Variants in SLC4A8 observed in about 807,000 individuals in gnomAD.
SLC4A8 encodes the protein electroneutral sodium bicarbonate exchanger 1.
A neutral mutation model predicts 125.0 loss-of-function variants in SLC4A8; 40 were observed. The ratio of observed to expected loss-of-function variants is 0.32; its 90% CI spans 0.25 to 0.42. SLC4A8 has a LOEUF of 0.42. SLC4A8 is among the 10% of genes least tolerant of loss of function. SLC4A8 has a pLI of 1.00. For synonymous variants in SLC4A8, 456 were observed against 476.0 expected, an observed-to-expected ratio of 0.96 and a Z score of 0.55; for missense variants, 863 against 1,355.1, an observed-to-expected ratio of 0.64 and a Z score of 5.70.
intron 1 of SLC4A8, among the ~76,000 whole-genome samples, chr12:51,439,471 T>G (rs1949524150): frequency 6.6e-6 from 1 of 152,054 alleles, no homozygotes; most frequent in Non-Finnish European, 1.5e-5. Flanking sequence ...GTAAGTGTGT[T>G]GAGGCTGAGA....
upstream of SLC4A8, among the ~76,000 whole-genome samples, chr12:51,421,354 C>T (rs1015979549): frequency 2.0e-5 from 3 of 152,200 alleles, no homozygotes; most frequent in African/African-American, 7.2e-5. Flanking sequence ...CAAATCATCC[C>T]TGGGAGGATA....
chr12:51,401,536 A>G (rs1482600524), intron 1 of SLC4A8, among the ~76,000 whole-genome samples: 1 of 151,974 alleles, frequency 6.6e-6, no homozygotes, highest in Non-Finnish European at 1.5e-5. Flanking sequence ...GCATGTTGGT[A>G]TGCTCTTCCA....
intron 1 of SLC4A8, chr12:51,392,269 C>T (rs1948136824): frequency 6.6e-6 from 1 of 152,218 alleles, no homozygotes; most frequent in African/African-American, 2.4e-5. Context: ...GTCAGAATCA[C>T]CTGAGAACTT....
chr12:51,400,778 A>ATG (rs1948369112), intron 1 of SLC4A8, among the ~76,000 whole-genome samples: 35 of 3,410 alleles, frequency 0.01, 3 homozygotes, highest in Non-Finnish European at 0.017. Context: ...ATATATATAT[A>ATG]CATACATACA....
chr12:51,474,986 A>C, intron 15 of SLC4A8, 59 bp from the exon 16 acceptor site: 5 of 1,478,754 alleles, frequency 3.4e-6, no homozygotes, highest in Non-Finnish European at 3.7e-6. Context: ...ACTCAGTAGG[A>C]AACAGCTATT....
intron 1 of SLC4A8, among the ~76,000 whole-genome samples, chr12:51,427,914 C>G (rs1019774343): frequency 1.4e-4 from 21 of 152,304 alleles, no homozygotes; most frequent in African/African-American, 5.1e-4. Context: ...TATCTTGAAA[C>G]CCTTCAGTGG....
At chr12:51,448,337 C>T (rs963301756) in intron 2 of SLC4A8, among the ~76,000 whole-genome samples, 15 of 152,132 alleles carry the variant, frequency 9.9e-5, no homozygotes, top group East Asian at 3.9e-4. Flanking sequence ...TCTAAGGTAA[C>T]GCTCGGTTTC....
intron 21 of SLC4A8, 42 bp downstream of exon 21, chr12:51,495,160 AT>A (rs1198473178): frequency 6.7e-7 from 1 of 1,498,412 alleles, no homozygotes; most frequent in Non-Finnish European, 9.1e-7. Context: ...TATCATTGTT[AT>A]TTTTTAGTGG....
intron 1 of SLC4A8, among the ~76,000 whole-genome samples, chr12:51,418,500 G>T (rs1222160224): frequency 6.6e-6 from 1 of 152,076 alleles, no homozygotes; most frequent in African/African-American, 2.4e-5. Context: ...TTTTAAGATT[G>T]TATTTTTTCC....
chr12:51,431,303 C>T (rs916980441), intron 1 of SLC4A8, among the ~76,000 whole-genome samples: 2 of 152,184 alleles, frequency 1.3e-5, no homozygotes, highest in Non-Finnish European at 2.9e-5. Context: ...GATTAGCAAC[C>T]TTACCTCCGT....
chr12:51,440,951 G>C, intron 2 of SLC4A8, 162 bp downstream of exon 2: 1 of 944,300 alleles, frequency 1.1e-6, no homozygotes. Context: ...ATAAAAGTGG[G>C]GATACTAATA....
chr12:51,457,910 C>A (rs555479030), intron 6 of SLC4A8, among the ~76,000 whole-genome samples: 1 of 152,282 alleles, frequency 6.6e-6, no homozygotes, highest in Non-Finnish European at 1.5e-5. Context: ...GTAGAGTAGG[C>A]TCTGGAGTCA....
At chr12:51,458,512 G>T (rs1400604817) in intron 6 of SLC4A8, 47 bp from the exon 7 acceptor site, 2 of 1,358,876 alleles carry the variant, frequency 1.5e-6, no homozygotes, top group South Asian at 1.2e-5. Context: ...GTGTCAGAAG[G>T]GGAAAAGGGC....
intron 2 of SLC4A8, among the ~76,000 whole-genome samples, chr12:51,450,303 ATAACCTTATTTACTGCTTATGAAAAC>A (rs1164533145): frequency 6.6e-6 from 1 of 152,196 alleles, no homozygotes; most frequent in Non-Finnish European, 1.5e-5. Context: ...TTTTGCATGC[ATAACCTTATTTACTGCTTATGAAAAC>A]TCTGAGTTTA....
intron 2 of SLC4A8, among the ~76,000 whole-genome samples, chr12:51,446,927 CAAGAGAAG>C (rs1176944278): frequency 1.3e-5 from 2 of 152,164 alleles, no homozygotes; most frequent in Non-Finnish European, 2.9e-5. Flanking sequence ...AAGGAGATTG[CAAGAGAAG>C]AGTGCAGAAT....
intron 1 of SLC4A8, among the ~76,000 whole-genome samples, chr12:51,405,989 A>G (rs1948479067): frequency 6.6e-6 from 1 of 152,204 alleles, no homozygotes; most frequent in African/African-American, 2.4e-5. Flanking sequence ...GCATTAAACA[A>G]ATTGGACTGT....
chr12:51,483,304 T>G (rs1035231731), intron 16 of SLC4A8, among the ~76,000 whole-genome samples: 3 of 150,378 alleles, frequency 2.0e-5, no homozygotes, highest in Non-Finnish European at 4.4e-5. Context: ...GAAAGAGAGA[T>G]AGATGAGTTA....
upstream of SLC4A8, among the ~76,000 whole-genome samples, chr12:51,421,711 G>A (rs373939812): frequency 3.3e-5 from 5 of 152,242 alleles, no homozygotes; most frequent in East Asian, 1.9e-4. Context: ...TCTTTCTGAC[G>A]CCCTGCCTCA....
intron 11 of SLC4A8, among the ~76,000 whole-genome samples, chr12:51,464,868 C>T (rs1950463836): frequency 1.3e-5 from 2 of 152,102 alleles, no homozygotes; most frequent in African/African-American, 4.8e-5. Flanking sequence ...GAGACAGAAA[C>T]AGGAGAGAAT....
Sources: gnomAD v4.1 joint callset for allele counts (sites outside exome capture counted in the v4.1 genomes callset) on GRCh38, gnomAD v4.1.1 for gene constraint, MANE v1.5 for transcripts, NCBI Gene and HGNC (gene_info 2026-07-23, HGNC 2026-07-21) for gene names.